The following LSS variants were observed in gnomAD, a reference collection of about 807,000 sequenced individuals.
LSS encodes 2,3-epoxysqualene-lanosterol cyclase.
Under a neutral mutation model 110.3 loss-of-function variants are expected in LSS, and 90 were observed. The ratio of observed to expected loss-of-function variants is 0.82; its 90% confidence interval spans 0.69 to 0.97. The LOEUF is 0.97. Among genes scored for constraint, LSS ranks in the 50% least tolerant of loss-of-function variants. LSS has a pLI of 0.00. For synonymous variants in LSS, 433 were observed against 400.0 expected, an observed-to-expected ratio of 1.08 and a Z score of -0.98; for missense variants, 927 against 990.0, an observed-to-expected ratio of 0.94 and a Z score of 0.85.
chr21:46,224,107 C>G (rs897120481), intron 3 of LSS, among the ~76,000 whole-genome samples: 1 of 152,208 alleles, frequency 6.6e-6, no homozygotes, highest in African/African-American at 2.4e-5. Context: ...CTGGCTCTGC[C>G]TTCTAGATAG....
rs2080106375 is a variant in LSS at position 46,209,915 on chromosome 21, G to A, written c.1195-290C>T. Among the ~76,000 whole-genome samples, 1 of 152,220 alleles carries A rather than the reference G, an allele frequency of 6.6e-6. No homozygotes were observed. The highest frequency in any genetic ancestry group is 1.5e-5 in the Non-Finnish European group (1 of 68,036). ...GCCCAGAGGGTCTCCAGCACCCTGT[G>A]TAGGCAGGCCCTTTGCGTGGCCCAG... is the stretch of plus-strand genomic sequence containing the variant. On this transcript the variant is annotated intron_variant, in intron 12 of 21. Coordinates refer to ENST00000397728, the MANE Select transcript of LSS (RefSeq NM_002340.6). The surrounding 1 kb of genome is among the most constrained non-coding windows in gnomAD (Gnocchi z 4.4).
chr21:46,209,748 C>A lies in LSS; in HGVS notation c.1195-123G>T. On this transcript the variant is annotated intron_variant, in intron 12 of 21. Transcript: ENST00000397728. The surrounding 1 kb of genome is among the most constrained non-coding windows in gnomAD (Gnocchi z 4.4). ...CGGGGACCAGAATCAAACCAGCAGA[C>A]ATCTCCAGAGAGTGCCAGGGTCTCC... 1 of 767,826 alleles carries A rather than the reference C, an allele frequency of 1.3e-6. No homozygotes were observed. 47.6% of individuals were successfully genotyped at this position (767,826 alleles called of 1,614,324 possible).
At chr21:46,208,188 C>T (rs1269510110) in intron 14 of LSS, 63 bp downstream of exon 14, 5 of 1,483,566 alleles carry the variant, frequency 3.4e-6, no homozygotes, top group Non-Finnish European at 4.6e-6. Flanking sequence ...AGGGAAGGAC[C>T]CACCCTGCTG....
chr21:46,191,259 C>T (rs775034626), intron 21 of LSS, 24 bp from the exon 22 acceptor site: 112 of 1,613,618 alleles, frequency 6.9e-5, no homozygotes, highest in Non-Finnish European at 9.2e-5. Flanking sequence ...GAGAAATAAA[C>T]ACAAAGGCTT....
intron 11 of LSS, 102 bp downstream of exon 11, chr21:46,212,923 G>T: frequency 7.0e-7 from 1 of 1,423,172 alleles, no homozygotes; most frequent in South Asian, 1.2e-5. Context: ...ACGCTGCCGG[G>T]ACCTGGTCCA....
intron 17 of LSS, among the ~76,000 whole-genome samples, chr21:46,204,564 A>G (rs1257144848): frequency 6.6e-6 from 1 of 152,014 alleles, no homozygotes; most frequent in Non-Finnish European, 1.5e-5. Flanking sequence ...TCAGTCCTAT[A>G]AACTATTAAA....
intron 17 of LSS, among the ~76,000 whole-genome samples, chr21:46,198,208 A>C (rs1378099190): frequency 1.3e-5 from 2 of 151,908 alleles, no homozygotes; most frequent in Admixed American, 1.3e-4. Flanking sequence ...TTGAGGCTGC[A>C]GTGAGCTATG....
At position 46,207,411 on chromosome 21, in the gene LSS, T is replaced by C; in HGVS notation, c.1467+17A>G. On this transcript the variant is annotated intron_variant, in intron 15 of 21. Transcript: ENST00000397728. ...GGACACGAGGTATGGACGGGGCTGC[T>C]GGGACCACAGCCTTACCACAGCCAC... is the stretch of plus-strand genomic sequence containing the variant. The C allele has an allele frequency of 1.2e-6, 2 of 1,610,324 alleles. No homozygotes were observed. Among genetic ancestry groups the C allele is most frequent in the Non-Finnish European group, 1.7e-6 (2 of 1,179,098 alleles).
chr21:46,217,957 G>A (rs540284425), intron 6 of LSS, among the ~76,000 whole-genome samples: 14 of 152,216 alleles, frequency 9.2e-5, no homozygotes, highest in South Asian at 2.1e-4. Context: ...CTACCCTCCC[G>A]GGGTGATCTC....
At position 46,188,976 on chromosome 21, in the gene LSS, G is replaced by A. The variant is rs2079767646; in HGVS notation, c.*2128C>T. The A allele has an allele frequency of 2.8e-6, 1 of 356,970 alleles. No individual in the cohort carries two copies. Among genetic ancestry groups the A allele is most frequent in the South Asian group, 2.2e-5 (1 of 46,494 alleles). 22.1% of individuals were successfully genotyped at this position (356,970 alleles called of 1,614,324 possible). The stretch of plus-strand genomic sequence containing the variant: ...AATATCTGTTTTCCCTCAGGTAACT[G>A]GAGACGCACCCTGCTACTCCTCACG... On this transcript the variant is annotated 3_prime_UTR_variant, in exon 22 of 22. Coordinates refer to ENST00000397728, the MANE Select transcript of LSS (RefSeq NM_002340.6).
intron 14 of LSS, 22 bp downstream of exon 14, chr21:46,208,229 G>A (rs1284853448): frequency 9.0e-6 from 14 of 1,551,514 alleles, no homozygotes; most frequent in Non-Finnish European, 1.2e-5. Context: ...ACGGGACAGG[G>A]ATGGGGCTGG....
intron 14 of LSS, 33 bp downstream of exon 14, chr21:46,208,218 G>A: frequency 1.9e-6 from 3 of 1,549,252 alleles, no homozygotes; most frequent in Non-Finnish European, 2.6e-6. Context: ...TCCCCTGGGG[G>A]ACGGGACAGG....
chr21:46,205,812 C>G, intron 17 of LSS, 24 bp downstream of exon 17: 1 of 1,573,616 alleles, frequency 6.4e-7, no homozygotes, highest in Non-Finnish European at 8.6e-7. Context: ...AGCGCCCACA[C>G]TGAATGGCTG....
Position 46,216,278 on chromosome 21 carries a change from G to A in LSS, c.783+111C>T, listed in dbSNP as rs561239593. 6.6e-5 allele frequency: 92 copies of A among 1,392,808 alleles called. No individual in the cohort carries two copies. The highest frequency in any genetic ancestry group is 5.0e-4 in the East Asian group (22 of 43,620). 86.3% of individuals were successfully genotyped at this position (1,392,808 alleles called of 1,614,324 possible). On this transcript the variant is annotated intron_variant, in intron 7 of 21. Coordinates refer to ENST00000397728, the MANE Select transcript of LSS (RefSeq NM_002340.6). This position sits in a 1 kb window ranked among gnomAD's most constrained non-coding sequence, Gnocchi z 4.2. ...GAGGCTCTGCTCCACAGGGCTCTCC[G>A]CTCCACAGGGCCACCAGGTGAGTGG...
chr21:46,222,884 C>A (rs903249068), intron 3 of LSS, 146 bp from the exon 4 acceptor site: 4 of 648,674 alleles, frequency 6.2e-6, no homozygotes, highest in African/African-American at 1.8e-5. Context: ...TCCTCCCAGG[C>A]CCCCATGGGG....
Position 46,191,211 on chromosome 21 carries a change from T to G in LSS, c.2092A>C (p.Lys698Gln), listed in dbSNP as rs2079809978. ...CTCGTGTAGGAGATGGCACAGGACT[T>G]GTTGAAGACCCCAGCAATGTTTTCC... ...PQENIAGVFN[K>Q]SCAISYTSYR... The change falls in exon 22 of 22, where the codon AAG becomes CAG. Residue 698 changes from lysine (K) to glutamine (Q), a missense_variant. Coordinates refer to ENST00000397728, the MANE Select transcript of LSS (RefSeq NM_002340.6). 6.2e-7 allele frequency: 1 copy of G among 1,613,942 alleles called. No homozygotes were observed. Among genetic ancestry groups the G allele is most frequent in the African/African-American group, 1.3e-5 (1 of 74,894 alleles).
In LSS at chr21:46,211,517, G is replaced by A. The variant is rs986747303; in HGVS notation, c.1138-773C>T. Among the ~76,000 whole-genome samples the A allele has an allele frequency of 3.3e-5, 5 of 152,136 alleles. No individual in the cohort carries two copies. The South Asian group carries it at 1.0e-3, about 31-fold the overall frequency. On this transcript the variant is annotated intron_variant, in intron 11 of 21. Transcript: ENST00000397728. ...CCACCTCAAATCTCACCCCGAGCTGGGCTCACAGGTACACAGCCTGGTCTC... is the reference window on the plus strand; with the variant it reads ...CCACCTCAAATCTCACCCCGAGCTGAGCTCACAGGTACACAGCCTGGTCTC...
chr21:46,198,402 G>A (rs1235908873), intron 17 of LSS, among the ~76,000 whole-genome samples: 2 of 151,978 alleles, frequency 1.3e-5, no homozygotes, highest in Non-Finnish European at 1.5e-5. Context: ...ATATGTACAA[G>A]ATCTATATAT....
intron 17 of LSS, among the ~76,000 whole-genome samples, chr21:46,200,147 A>G (rs1449670862): frequency 1.3e-5 from 2 of 152,224 alleles, no homozygotes; most frequent in Non-Finnish European, 2.9e-5. Context: ...TAGCTATGAG[A>G]TCAGTATCAA....
Sources: allele counts gnomAD v4.1 joint callset (sites outside exome capture counted in the v4.1 genomes callset), GRCh38; gene constraint gnomAD v4.1.1; non-coding constraint Gnocchi (gnomAD v3.1); transcripts MANE v1.5; gene names NCBI Gene and HGNC (gene_info 2026-07-23, HGNC 2026-07-21).